CADM1: variants seen among roughly 807,000 people sequenced by gnomAD.
The protein encoded by CADM1 is TSLC-1.
In CADM1, 15 loss-of-function variants were observed where a neutral mutation model predicts 53.1. The ratio of observed to expected loss-of-function variants is 0.28; its 90% CI spans 0.19 to 0.44. The LOEUF is 0.44. Ranked by LOEUF, CADM1 falls within the 20% of genes least tolerant of loss-of-function variation. The pLI, the probability that CADM1 is intolerant of heterozygous loss-of-function variation, is 1.00. For missense variants in CADM1, 434 were observed against 611.3 expected, an observed-to-expected ratio of 0.71 and a Z score of 3.06; for synonymous variants, 281 against 243.0, an observed-to-expected ratio of 1.16 and a Z score of -1.45.
At chr11:115,491,894 T>C (rs749720240) in intron 1 of CADM1, among the ~76,000 whole-genome samples, 7 of 152,124 alleles carry the variant, frequency 4.6e-5, no homozygotes, top group Non-Finnish European at 7.3e-5. Context: ...TAGGTGGGAA[T>C]TGAACAATGA....
chr11:115,282,601 T>C (rs1943617528), intron 1 of CADM1, among the ~76,000 whole-genome samples: 1 of 152,180 alleles, frequency 6.6e-6, no homozygotes, highest in East Asian at 1.9e-4. Context: ...GTGTTGGCAA[T>C]TTGCTCTCTG....
chr11:115,210,064 TA>T (rs1431413775), intron 7 of CADM1, among the ~76,000 whole-genome samples: 1 of 152,214 alleles, frequency 6.6e-6, no homozygotes, highest in Non-Finnish European at 1.5e-5. Flanking sequence ...GCTGCTCTAT[TA>T]GGGGGCTCAT....
chr11:115,241,729 T>C (rs1240818200), intron 1 of CADM1, among the ~76,000 whole-genome samples: 5 of 152,220 alleles, frequency 3.3e-5, no homozygotes. Flanking sequence ...ATTAAGCCAT[T>C]ATGCATTGGG....
intron 7 of CADM1, among the ~76,000 whole-genome samples, chr11:115,210,721 G>T (rs901857734): frequency 6.6e-6 from 1 of 152,154 alleles, no homozygotes; most frequent in Admixed American, 6.5e-5. Context: ...CTCTCAGATT[G>T]TCTAATTAAT....
At chr11:115,494,172 A>T (rs916330540) in intron 1 of CADM1, among the ~76,000 whole-genome samples, 1 of 152,158 alleles carries the variant, frequency 6.6e-6, no homozygotes, top group East Asian at 1.9e-4. Context: ...AAATGTTAAC[A>T]GTTGATGGAT....
intron 1 of CADM1, among the ~76,000 whole-genome samples, chr11:115,302,589 A>G (rs1944258121): frequency 6.6e-6 from 1 of 152,016 alleles, no homozygotes; most frequent in Non-Finnish European, 1.5e-5. Flanking sequence ...GTTGTTATTT[A>G]TTTTCTCATT....
chr11:115,383,159 A>G (rs2135159197), intron 1 of CADM1, among the ~76,000 whole-genome samples: 1 of 152,334 alleles, frequency 6.6e-6, no homozygotes, highest in African/African-American at 2.4e-5. Flanking sequence ...AACCTGCATC[A>G]TGTCAAAATT....
intron 1 of CADM1, among the ~76,000 whole-genome samples, chr11:115,321,837 G>C (rs1004310323): frequency 2.0e-5 from 3 of 152,158 alleles, no homozygotes; most frequent in Non-Finnish European, 2.9e-5. Flanking sequence ...CCAGTGGAAT[G>C]CAATCATCAC....
chr11:115,256,683 A>G (rs183825055), intron 1 of CADM1: 2 of 395,348 alleles, frequency 5.1e-6, no homozygotes, highest in African/African-American at 4.1e-5. Context: ...GGAGGTGGGC[A>G]GGGAGAGAGA....
chr11:115,295,539 TA>T (rs1351725242), intron 1 of CADM1, among the ~76,000 whole-genome samples: 4,958 of 94,452 alleles, frequency 0.052, 311 homozygotes, highest in African/African-American at 0.19. Flanking sequence ...TATATATATA[TA>T]TATATATATA....
At chr11:115,253,047 C>A (rs563167514) in intron 1 of CADM1, among the ~76,000 whole-genome samples, 12 of 152,158 alleles carry the variant, frequency 7.9e-5, no homozygotes, top group Admixed American at 2.0e-4. Context: ...TTGGGTCACA[C>A]ATAAAATACA....
At chr11:115,257,291 A>G (rs1942822303) in intron 1 of CADM1, among the ~76,000 whole-genome samples, 1 of 152,222 alleles carries the variant, frequency 6.6e-6, no homozygotes, top group South Asian at 2.1e-4. Context: ...CTTGGGATAT[A>G]ATAAAATCAT....
At chr11:115,273,617 T>C (rs1943364015) in intron 1 of CADM1, among the ~76,000 whole-genome samples, 4 of 152,218 alleles carry the variant, frequency 2.6e-5, no homozygotes, top group Admixed American at 2.6e-4. Flanking sequence ...TGGTTCTTAA[T>C]TAAGTCTTTA....
At chr11:115,357,621 G>A (rs1481380665) in intron 1 of CADM1, among the ~76,000 whole-genome samples, 1 of 152,040 alleles carries the variant, frequency 6.6e-6, no homozygotes, top group Non-Finnish European at 1.5e-5. Context: ...CTGTAAAATG[G>A]GGATAACAAA....
At chr11:115,193,250 T>G (rs1307358429) in intron 9 of CADM1, among the ~76,000 whole-genome samples, 8 of 152,248 alleles carry the variant, frequency 5.3e-5, no homozygotes, top group East Asian at 1.9e-4. Context: ...TTGTGTATTC[T>G]CTTGAAACTT....
chr11:115,237,960 A>G (rs1012150382), intron 3 of CADM1, among the ~76,000 whole-genome samples: 12 of 152,204 alleles, frequency 7.9e-5, no homozygotes, highest in African/African-American at 2.4e-4. Flanking sequence ...AATGACTGCA[A>G]TTTGTGGCAA....
At chr11:115,190,016 A>G (rs1488422238) in intron 10 of CADM1, among the ~76,000 whole-genome samples, 3 of 152,218 alleles carry the variant, frequency 2.0e-5, no homozygotes, top group African/African-American at 7.2e-5. Flanking sequence ...TATTAAAAGG[A>G]GCTTCAGTAA....
intron 1 of CADM1, among the ~76,000 whole-genome samples, chr11:115,473,263 A>T (rs1949055853): frequency 6.6e-6 from 1 of 152,186 alleles, no homozygotes; most frequent in African/African-American, 2.4e-5. Flanking sequence ...GTTTGACACC[A>T]GCCTGGGGAA....
At chr11:115,212,326 T>C (rs1591609277) in intron 7 of CADM1, among the ~76,000 whole-genome samples, 1 of 152,186 alleles carries the variant, frequency 6.6e-6, no homozygotes, top group South Asian at 2.1e-4. Context: ...AAATCAGCTT[T>C]GGAAAGAAAA....
Sources: allele counts gnomAD v4.1 joint callset (sites outside exome capture counted in the v4.1 genomes callset), GRCh38; gene constraint gnomAD v4.1.1; transcripts MANE v1.5; gene names NCBI Gene and HGNC (gene_info 2026-07-23, HGNC 2026-07-21).